Variants in DCHS2 observed in about 807,000 individuals in gnomAD.
DCHS2 encodes protocadherin-23.
Under a neutral mutation model 182.4 loss-of-function variants are expected in DCHS2, and 142 were observed. That is an observed-to-expected ratio of 0.78 (90% CI 0.68 to 0.89). DCHS2 has a LOEUF of 0.89. Ranked by LOEUF, DCHS2 falls within the 40% of genes least tolerant of loss-of-function variation. The pLI is 0.00. For synonymous variants in DCHS2, 1,740 were observed against 1,663.3 expected (o/e 1.05, Z -1.12); for missense variants, 4,319 against 4,198.6 (o/e 1.03, Z -0.79).
chr4:154,445,291 C>G (rs1162739076), intron 1 of DCHS2, among the ~76,000 whole-genome samples: 1 of 152,176 alleles, frequency 6.6e-6, no homozygotes, highest in Non-Finnish European at 1.5e-5. Context: ...ATTCATAAAT[C>G]AATCTTGTCT....
In DCHS2 at chr4:154,234,442, TA is replaced by T; in HGVS notation, c.*93del. ...CTAAATTACATCACTTGCTTTTAGA[TA>T]AAAATGAGCCCAATCTCGAGTTGCT... On this transcript the variant is annotated 3_prime_UTR_variant, in exon 20 of 20. Transcript: ENST00000357232. The T allele has an allele frequency of 7.0e-7, 1 of 1,421,250 alleles. No individual in the cohort carries two copies. The allele number at this position is 1,421,250 out of a possible 1,614,324, so 88.0% of individuals were successfully genotyped here. A position where few individuals can be genotyped will look rare whatever the true frequency, so the allele number is the denominator to read the frequency against.
At chr4:154,318,927 A>C (rs1327172774) in intron 9 of DCHS2, among the ~76,000 whole-genome samples, 1 of 152,136 alleles carries the variant, frequency 6.6e-6, no homozygotes, top group Non-Finnish European at 1.5e-5. Context: ...TGGAGGCATC[A>C]CACTTCCTGG....
intron 13 of DCHS2, among the ~76,000 whole-genome samples, chr4:154,278,254 T>G (rs969633093): frequency 6.6e-6 from 1 of 152,016 alleles, no homozygotes; most frequent in Non-Finnish European, 1.5e-5. Flanking sequence ...ACAGAAGACT[T>G]GATCAAACAG....
chr4:154,408,001 C>A (rs1359374114), intron 1 of DCHS2, among the ~76,000 whole-genome samples: 1 of 152,130 alleles, frequency 6.6e-6, no homozygotes, highest in Non-Finnish European at 1.5e-5. Flanking sequence ...CACCTCTCAC[C>A]CTCAGACTGC....
At chr4:154,293,521 G>A (rs1734767709) in intron 13 of DCHS2, among the ~76,000 whole-genome samples, 1 of 152,154 alleles carries the variant, frequency 6.6e-6, no homozygotes, top group Admixed American at 6.5e-5. Flanking sequence ...GTATTTCGAT[G>A]TGTAGTCCTG....
In DCHS2 at chr4:154,490,975, A is replaced by C. The variant is rs1430342127; in HGVS notation, c.381T>G (p.Thr127=). 2 of 1,550,148 alleles carry C rather than the reference A, an allele frequency of 1.3e-6. No individual in the cohort carries two copies. The highest frequency in any genetic ancestry group is 1.7e-6 in the Non-Finnish European group (2 of 1,146,158). ...HVHPDTGIIR[T]ARRLDRERRD... ...GCCGCTCGCGGTCCAGGCGCCGCGCAGTGCGGATGATGCCGGTGTCCGGGT... is the reference window on the plus strand; with the variant it reads ...GCCGCTCGCGGTCCAGGCGCCGCGCCGTGCGGATGATGCCGGTGTCCGGGT... The change falls in exon 1 of 20, where the codon ACT becomes ACG. Residue 127 remains threonine, a synonymous_variant. Coordinates refer to ENST00000357232, the MANE Select transcript of DCHS2 (RefSeq NM_001358235.2).
chr4:154,358,591 T>C (rs1183284294), intron 3 of DCHS2, among the ~76,000 whole-genome samples: 1 of 152,190 alleles, frequency 6.6e-6, no homozygotes, highest in African/African-American at 2.4e-5. Flanking sequence ...CATGGACATC[T>C]AGGTTCATTA....
chr4:154,346,611 G>C (rs903772836), intron 3 of DCHS2, among the ~76,000 whole-genome samples: 2 of 150,380 alleles, frequency 1.3e-5, no homozygotes, highest in Non-Finnish European at 2.9e-5. Context: ...CAGATCAGGT[G>C]CCTATGTAAG....
intron 1 of DCHS2, among the ~76,000 whole-genome samples, chr4:154,485,064 C>T (rs1728535976): frequency 6.6e-6 from 1 of 151,974 alleles, no homozygotes. Context: ...CTCAACATAC[C>T]AGTTATCTCC....
At chr4:154,400,443 T>C (rs912830731) in intron 1 of DCHS2, among the ~76,000 whole-genome samples, 11 of 145,058 alleles carry the variant, frequency 7.6e-5, no homozygotes, top group African/African-American at 2.5e-4. Flanking sequence ...TAACCACCCA[T>C]CGACCCTCGC....
At chr4:154,377,581 C>A (rs1256804349) in intron 1 of DCHS2, 137 bp from the exon 2 acceptor site, 3 of 616,558 alleles carry the variant, frequency 4.9e-6, no homozygotes, top group African/African-American at 3.7e-5. Context: ...GGTTTCATAT[C>A]TCTCTCCTCG....
chr4:154,364,432 G>C (rs1030542842), intron 3 of DCHS2, among the ~76,000 whole-genome samples: 2 of 152,196 alleles, frequency 1.3e-5, no homozygotes, highest in Admixed American at 6.5e-5. Context: ...GCCCTAGAGG[G>C]CCTGACAATT....
At chr4:154,392,998 C>A (rs1260184653) in intron 1 of DCHS2, among the ~76,000 whole-genome samples, 1 of 152,126 alleles carries the variant, frequency 6.6e-6, no homozygotes, top group African/African-American at 2.4e-5. Flanking sequence ...CACTATTCCA[C>A]TTGACTTTTT....
intron 14 of DCHS2, among the ~76,000 whole-genome samples, chr4:154,269,679 G>A (rs1324376482): frequency 6.6e-6 from 1 of 152,104 alleles, no homozygotes; most frequent in Admixed American, 6.6e-5. Context: ...TGAAGGGCAG[G>A]ATAGACACTG....
chr4:154,399,388 C>T (rs1482110428), intron 1 of DCHS2, among the ~76,000 whole-genome samples: 1 of 152,126 alleles, frequency 6.6e-6, no homozygotes, highest in African/African-American at 2.4e-5. Flanking sequence ...TATGGAAATA[C>T]ATATTTTAAG....
At chr4:154,238,546 G>C (rs1170460890) in intron 19 of DCHS2, among the ~76,000 whole-genome samples, 19 of 152,082 alleles carry the variant, frequency 1.2e-4, no homozygotes. Context: ...TCTATATACT[G>C]TTTAATTGAA....
chr4:154,373,822 A>T, intron 2 of DCHS2: 1 of 942,206 alleles, frequency 1.1e-6, no homozygotes, highest in Non-Finnish European at 1.7e-6. Flanking sequence ...GAAGGTGTGC[A>T]AGCACTCAGG....
intron 2 of DCHS2, among the ~76,000 whole-genome samples, chr4:154,372,809 A>G (rs1174883261): frequency 2.6e-5 from 4 of 152,220 alleles, no homozygotes; most frequent in Admixed American, 2.6e-4. Context: ...AAAATAGAGT[A>G]TTTCAGAAGT....
At chr4:154,409,290 G>C (rs1195373259) in intron 1 of DCHS2, among the ~76,000 whole-genome samples, 3 of 152,002 alleles carry the variant, frequency 2.0e-5, no homozygotes, top group Admixed American at 2.0e-4. Flanking sequence ...TGCCATACTT[G>C]ACCCCACAGA....
Sources: gnomAD v4.1 joint callset for allele counts (sites outside exome capture counted in the v4.1 genomes callset) on GRCh38, gnomAD v4.1.1 for gene constraint, MANE v1.5 for transcripts, NCBI Gene and HGNC (gene_info 2026-07-23, HGNC 2026-07-21) for gene names.